Variants in PPME1 observed in about 807,000 individuals in gnomAD.
The protein encoded by PPME1 is protein phosphatase methylesterase 1.
A neutral mutation model predicts 56.9 loss-of-function variants in PPME1; 17 were observed. That is an observed-to-expected ratio of 0.30 (90% CI 0.20 to 0.45). The LOEUF (loss-of-function observed/expected upper bound fraction) is 0.45, where lower values mean the gene tolerates loss of function less well. Among genes scored for constraint, PPME1 ranks in the 20% least tolerant of loss-of-function variants. The pLI is 1.00. For missense variants in PPME1, 357 were observed against 483.2 expected, an observed-to-expected ratio of 0.74 and a Z score of 2.45; for synonymous variants, 122 against 156.2, an observed-to-expected ratio of 0.78 and a Z score of 1.63.
intron 11 of PPME1, chr11:74,247,633 T>C (rs867403640): frequency 6.6e-6 from 1 of 152,456 alleles, no homozygotes; most frequent in Non-Finnish European, 1.5e-5. Flanking sequence ...ATTACAGGCA[T>C]GCACCACCAC....
intron 13 of PPME1, among the ~76,000 whole-genome samples, chr11:74,252,251 G>T (rs371233769): frequency 0.025 from 2,902 of 118,190 alleles, 43 homozygotes; most frequent in African/African-American, 0.046. Flanking sequence ...TTTTTTTTTT[G>T]TTTTTTTTTT....
intron 3 of PPME1, among the ~76,000 whole-genome samples, chr11:74,216,671 A>G (rs1227775120): frequency 6.6e-6 from 1 of 152,118 alleles, no homozygotes; most frequent in Non-Finnish European, 1.5e-5. Flanking sequence ...TCAAAACAAA[A>G]AAGTAGAAAA....
chr11:74,176,845 T>G (rs1162456357), intron 1 of PPME1, among the ~76,000 whole-genome samples: 1 of 151,180 alleles, frequency 6.6e-6, no homozygotes, highest in South Asian at 2.1e-4. Flanking sequence ...ATTCTCCTGC[T>G]TCAGCCTCCC....
intron 4 of PPME1, among the ~76,000 whole-genome samples, chr11:74,222,891 A>G (rs1858834568): frequency 6.6e-6 from 1 of 150,878 alleles, no homozygotes; most frequent in Non-Finnish European, 1.5e-5. Flanking sequence ...TTTGTATTTT[A>G]TGTGTGTTAA....
At position 74,237,511 on chromosome 11, in the gene PPME1, A is replaced by G. The variant is rs568248933; in HGVS notation, c.710+1545A>G. 5.2e-4 allele frequency among the ~76,000 whole-genome samples: 79 copies of G among 151,648 alleles called. 1 individual carries two copies. Among genetic ancestry groups the G allele is most frequent in the African/African-American group, 1.9e-3 (77 of 41,258 alleles). On this transcript the variant is annotated intron_variant, in intron 8 of 13. Transcript: ENST00000328257. ...AGGATGGTCTCTATCTCCTGACCTC[A>G]TGATCCGCCCACCTCGGCCTCTCAA...
intron 9 of PPME1, among the ~76,000 whole-genome samples, chr11:74,241,250 G>C (rs1859351261): frequency 6.6e-6 from 1 of 152,176 alleles, no homozygotes; most frequent in Non-Finnish European, 1.5e-5. Flanking sequence ...GTGGTCTTTT[G>C]TGACTGGCTT....
At chr11:74,245,325 C>T (rs1308033157) in intron 9 of PPME1, among the ~76,000 whole-genome samples, 3 of 151,836 alleles carry the variant, frequency 2.0e-5, no homozygotes, top group Non-Finnish European at 4.4e-5. Flanking sequence ...GTTACTATCT[C>T]ATGTTCACTT....
In PPME1 at chr11:74,253,733, C is replaced by T; in HGVS notation, c.*223C>T. On this transcript the variant is annotated 3_prime_UTR_variant, in exon 14 of 14. Transcript: ENST00000328257. ...TCGGCTTCCCCAGTCCAGGGCTCCC[C>T]TGCTCCTTTCCCTTCCCTGTACTGG... is the stretch of plus-strand genomic sequence containing the variant. The T allele has an allele frequency of 1.6e-6, 1 of 609,686 alleles. No individual in the cohort carries two copies. Among genetic ancestry groups the T allele is most frequent in the East Asian group, 2.8e-5 (1 of 36,222 alleles). 37.8% of individuals were successfully genotyped at this position (609,686 alleles called of 1,614,324 possible).
chr11:74,219,008 A>C (rs556508724), intron 3 of PPME1, among the ~76,000 whole-genome samples: 1 of 152,288 alleles, frequency 6.6e-6, no homozygotes, highest in African/African-American at 2.4e-5. Flanking sequence ...TAATAACCAG[A>C]ATATATAAGG....
chr11:74,220,735 G>A (rs1369672028), intron 3 of PPME1, among the ~76,000 whole-genome samples: 1 of 152,162 alleles, frequency 6.6e-6, no homozygotes, highest in African/African-American at 2.4e-5. Flanking sequence ...TGCAGTTATT[G>A]CTAAACACCA....
intron 8 of PPME1, 156 bp downstream of exon 8, chr11:74,236,122 A>AGATT: frequency 7.9e-7 from 1 of 1,258,376 alleles, no homozygotes; most frequent in Middle Eastern, 2.0e-4. Flanking sequence ...GGACAGACAT[A>AGATT]GATTTTCTTT....
rs184919929 is a variant in PPME1 at position 74,197,060 on chromosome 11, A to G, written c.102-6668A>G. Among the ~76,000 whole-genome samples, 257 of 152,334 alleles carry G rather than the reference A, an allele frequency of 1.7e-3. 1 individual carries two copies. Among genetic ancestry groups the G allele is most frequent in the African/African-American group, 5.7e-3 (237 of 41,584 alleles). ...TTCAAATGCCTCTGACAAATTGACT[A>G]TAAATACTAGTTTATTTCTGGACTT... On this transcript the variant is annotated intron_variant, in intron 1 of 13. Transcript: ENST00000328257.
chr11:74,200,638 C>T (rs551279411), intron 1 of PPME1, among the ~76,000 whole-genome samples: 56 of 152,238 alleles, frequency 3.7e-4, no homozygotes, highest in African/African-American at 1.3e-3. Context: ...CCACCTCGGT[C>T]TCCCAAAGTG....
chr11:74,179,895 T>C (rs1591013281), intron 1 of PPME1, among the ~76,000 whole-genome samples: 1 of 152,276 alleles, frequency 6.6e-6, no homozygotes, highest in East Asian at 1.9e-4. Context: ...GCAATTAAAC[T>C]TCAGTATTTA....
chr11:74,181,314 C>G (rs796797861), intron 1 of PPME1, among the ~76,000 whole-genome samples: 37 of 152,192 alleles, frequency 2.4e-4, no homozygotes, highest in African/African-American at 8.9e-4. Context: ...TCCCAAAGTG[C>G]TGGGATTACA....
chr11:74,230,480 A>AT lies in PPME1; in HGVS notation c.553+83dup. 6.8e-7 allele frequency: 1 copy of AT among 1,465,350 alleles called. No individual in the cohort carries two copies. The highest frequency in any genetic ancestry group is 1.2e-5 in the South Asian group (1 of 82,994). 90.8% of individuals were successfully genotyped at this position (1,465,350 alleles called of 1,614,324 possible). On this transcript the variant is annotated intron_variant, in intron 6 of 13. Coordinates refer to ENST00000328257, the MANE Select transcript of PPME1 (RefSeq NM_016147.3). This position sits in a 1 kb window ranked among gnomAD's most constrained non-coding sequence, Gnocchi z 4.9. ...GTAGATTATTACCTTGTCTTAGTTT[A>AT]TTGTTGATTTCATTCATCTTGAAAT... is the stretch of plus-strand genomic sequence containing the variant.
At chr11:74,203,858 TATG>T in intron 2 of PPME1, 37 bp downstream of exon 2, 1 of 1,430,452 alleles carries the variant, frequency 7.0e-7, no homozygotes, top group Non-Finnish European at 9.7e-7. Context: ...TTAGTGAGCT[TATG>T]ATGTTGTCTA....
chr11:74,212,386 G>C (rs918292275), intron 3 of PPME1, among the ~76,000 whole-genome samples: 1 of 152,208 alleles, frequency 6.6e-6, no homozygotes, highest in Non-Finnish European at 1.5e-5. Flanking sequence ...CCAAGCTAAA[G>C]GGTCCTGGGG....
At chr11:74,195,254 A>G (rs1211525364) in intron 1 of PPME1, among the ~76,000 whole-genome samples, 1 of 152,120 alleles carries the variant, frequency 6.6e-6, no homozygotes, top group Non-Finnish European at 1.5e-5. Flanking sequence ...TGTTTCCCAC[A>G]CTGGTATTGA....
Sources: allele counts gnomAD v4.1 joint callset (sites outside exome capture counted in the v4.1 genomes callset), GRCh38; gene constraint gnomAD v4.1.1; non-coding constraint Gnocchi (gnomAD v3.1); transcripts MANE v1.5; gene names NCBI Gene and HGNC (gene_info 2026-07-23, HGNC 2026-07-21).